Variants in GPM6B observed in about 807,000 individuals in gnomAD.
GPM6B encodes the protein glycoprotein M6B.
Under a neutral mutation model 27.2 loss-of-function variants are expected in GPM6B, and 4 were observed. That is an observed-to-expected ratio of 0.15 (90% CI 0.07 to 0.34). The LOEUF (loss-of-function observed/expected upper bound fraction) is 0.34, where lower values mean the gene tolerates loss of function less well. Among genes scored for constraint, GPM6B ranks in the 10% least tolerant of loss-of-function variants. The pLI is 1.00. For missense variants in GPM6B, 183 were observed against 261.9 expected, an observed-to-expected ratio of 0.70 and a Z score of 2.08; for synonymous variants, 124 against 103.1, an observed-to-expected ratio of 1.20 and a Z score of -1.23.
At chrX:13,839,563 A>G (rs2049547565) in intron 1 of GPM6B, among the ~76,000 whole-genome samples, 1 of 111,116 alleles carries the variant, frequency 9.0e-6, no homozygotes, top group Non-Finnish European at 1.9e-5. Context: ...GTCTCCAGTC[A>G]TTGATCCTGG....
At chrX:13,923,474 G>A (rs1921024768) in intron 1 of GPM6B, among the ~76,000 whole-genome samples, 1 of 112,577 alleles carries the variant, frequency 8.9e-6, no homozygotes, top group African/African-American at 3.2e-5. Flanking sequence ...AATCTCATTT[G>A]ACAGCTGAAC....
At chrX:13,816,669 G>A (rs2049240652) in intron 1 of GPM6B, among the ~76,000 whole-genome samples, 175 bp downstream of exon 1, 1 of 111,299 alleles carries the variant, frequency 9.0e-6, no homozygotes, top group African/African-American at 3.3e-5. Flanking sequence ...ATTGAAGAAA[G>A]GCTGCTCTAT....
In GPM6B at chrX:13,772,016, T is replaced by A. The variant is rs1264557517; in HGVS notation, c.*865A>T. ...GTGGTCATTTTAATAAGGTAACACT[T>A]CTTAATAATTAAGAAAAACATTTAT... On this transcript the variant is annotated 3_prime_UTR_variant, in exon 8 of 8. Transcript: ENST00000316715. 1 of 112,482 alleles carries A rather than the reference T, an allele frequency of 8.9e-6. No individual in the cohort carries two copies. Among genetic ancestry groups the A allele is most frequent in the Admixed American group, 9.4e-5 (1 of 10,585 alleles). 9.3% of individuals were successfully genotyped at this position (112,482 alleles called of 1,213,427 possible). A position where few individuals can be genotyped will look rare whatever the true frequency, so the allele number is the denominator to read the frequency against.
intron 1 of GPM6B, among the ~76,000 whole-genome samples, chrX:13,931,282 G>A (rs924595481): frequency 1.1e-4 from 12 of 110,762 alleles, no homozygotes; most frequent in African/African-American, 1.3e-4. Flanking sequence ...CAAGGCGGGC[G>A]GATCACAAGG....
chrX:13,922,833 A>G (rs1377273944), intron 1 of GPM6B, among the ~76,000 whole-genome samples: 2 of 112,512 alleles, frequency 1.8e-5, no homozygotes, highest in Non-Finnish European at 3.8e-5. Context: ...AAAGAAGTTA[A>G]TTTTAAAAAG....
chrX:13,881,426 C>A (rs1276700745), intron 1 of GPM6B, among the ~76,000 whole-genome samples: 1 of 110,332 alleles, frequency 9.1e-6, no homozygotes, highest in African/African-American at 3.3e-5. Context: ...GTGGGAGAAT[C>A]GCTTGGGCCC....
chrX:13,930,866 TGG>T (rs1249360571), intron 1 of GPM6B, among the ~76,000 whole-genome samples: 7 of 111,694 alleles, frequency 6.3e-5, no homozygotes, highest in African/African-American at 1.6e-4. Context: ...CTGGCTTCAC[TGG>T]TAAATTCTTG....
intron 1 of GPM6B, among the ~76,000 whole-genome samples, chrX:13,913,322 G>A (rs745746594): frequency 2.2e-4 from 14 of 64,304 alleles, no homozygotes; most frequent in Non-Finnish European, 3.5e-4. Context: ...GCTAATTTTC[G>A]TATTTTTTTT....
At chrX:13,849,330 C>T (rs984512778) in intron 1 of GPM6B, among the ~76,000 whole-genome samples, 6 of 112,510 alleles carry the variant, frequency 5.3e-5, no homozygotes, top group African/African-American at 1.9e-4. Flanking sequence ...TTTCTTACCA[C>T]TTTAGCTTTC....
chrX:13,848,285 C>A (rs1015469169), intron 1 of GPM6B, among the ~76,000 whole-genome samples: 1 of 111,648 alleles, frequency 9.0e-6, no homozygotes, highest in African/African-American at 3.3e-5. Context: ...GATGCTGCAG[C>A]CCAACTTCTC....
intron 1 of GPM6B, among the ~76,000 whole-genome samples, chrX:13,900,152 ACT>A (rs753105410): frequency 1.1e-4 from 12 of 111,509 alleles, no homozygotes; most frequent in African/African-American, 3.9e-4. Flanking sequence ...AAAAATCATC[ACT>A]CTTTGCAAAA....
chrX:13,861,005 TACACAC>T (rs55808485), intron 1 of GPM6B, among the ~76,000 whole-genome samples: 5,187 of 79,272 alleles, frequency 0.065, 139 homozygotes, highest in South Asian at 0.1. Context: ...TGAATGTGCA[TACACAC>T]ACACACACAC....
At chrX:13,868,293 G>A (rs1289825887) in intron 1 of GPM6B, among the ~76,000 whole-genome samples, 2 of 111,691 alleles carry the variant, frequency 1.8e-5, no homozygotes, top group East Asian at 5.6e-4. Flanking sequence ...ATAACAAGAA[G>A]TGAAAATTGC....
intron 1 of GPM6B, among the ~76,000 whole-genome samples, chrX:13,839,840 A>T (rs2049551151): frequency 1.8e-5 from 2 of 112,309 alleles, no homozygotes; most frequent in Admixed American, 9.4e-5. Context: ...AGCTGATTCT[A>T]AAGTTCTTAT....
chrX:13,929,196 G>T (rs1340178244), intron 1 of GPM6B, among the ~76,000 whole-genome samples: 3 of 112,025 alleles, frequency 2.7e-5, no homozygotes, highest in South Asian at 3.7e-4. Context: ...GAGAACAAAA[G>T]ATGATGAAAA....
chrX:13,921,462 A>T (rs1428006860), intron 1 of GPM6B, among the ~76,000 whole-genome samples: 1 of 111,814 alleles, frequency 8.9e-6, no homozygotes, highest in South Asian at 3.7e-4. Context: ...AGAGGAAAAA[A>T]CAGCTTTATT....
chrX:13,782,209 C>T (rs1005029668), intron 4 of GPM6B, among the ~76,000 whole-genome samples: 2 of 112,030 alleles, frequency 1.8e-5, no homozygotes, highest in Non-Finnish European at 3.8e-5. Context: ...CCTCTCCAGT[C>T]TAAGGGGGCT....
intron 1 of GPM6B, among the ~76,000 whole-genome samples, chrX:13,848,901 A>G (rs2049681990): frequency 8.9e-6 from 1 of 112,234 alleles, no homozygotes; most frequent in African/African-American, 3.2e-5. Context: ...AATACATGGT[A>G]CAATATGGAT....
At chrX:13,934,662 T>C (rs1218318294) in intron 1 of GPM6B, among the ~76,000 whole-genome samples, 1 of 112,267 alleles carries the variant, frequency 8.9e-6, no homozygotes, top group Non-Finnish European at 1.9e-5. Context: ...AAGTAGTGTT[T>C]AGACCATCAG....
Sources: allele counts gnomAD v4.1 joint callset (sites outside exome capture counted in the v4.1 genomes callset), GRCh38; gene constraint gnomAD v4.1.1; transcripts MANE v1.5; gene names NCBI Gene and HGNC (gene_info 2026-07-23, HGNC 2026-07-21).